The following IL5RA variants were observed in gnomAD, a reference collection of about 807,000 sequenced individuals.
IL5RA encodes interleukin-5 receptor subunit alpha.
Under a neutral mutation model 50.0 loss-of-function variants are expected in IL5RA, and 49 were observed. The ratio of observed to expected loss-of-function variants is 0.98; its 90% confidence interval spans 0.78 to 1.24. The LOEUF (loss-of-function observed/expected upper bound fraction) is 1.24. IL5RA is among the 50% of genes most tolerant of loss of function. The pLI, the probability that IL5RA is intolerant of heterozygous loss-of-function variation, is 0.00. For missense variants in IL5RA, 600 were observed against 500.4 expected (o/e 1.20, Z -1.90); for synonymous variants, 202 against 174.0 (o/e 1.16, Z -1.26).
chr3:3,095,171 G>C (rs947858042), intron 8 of IL5RA, 128 bp downstream of exon 8: 28 of 656,942 alleles, frequency 4.3e-5, no homozygotes, highest in Non-Finnish European at 7.1e-5. Flanking sequence ...TAATACCTGG[G>C]TAGATTAAGT....
chr3:3,096,916 C>T (rs1187270200), intron 7 of IL5RA, among the ~76,000 whole-genome samples: 2 of 152,164 alleles, frequency 1.3e-5, no homozygotes, highest in Admixed American at 6.5e-5. Context: ...ACAATTCTCA[C>T]GAAGACTGCA....
chr3:3,108,858 A>T (rs1704054244), intron 1 of IL5RA, among the ~76,000 whole-genome samples, 167 bp from the exon 2 acceptor site: 1 of 152,226 alleles, frequency 6.6e-6, no homozygotes, highest in South Asian at 2.1e-4. Context: ...TGTTTCAAAT[A>T]ATATAAACAA....
At chr3:3,070,365 T>C (rs1325843446) in intron 11 of IL5RA, 54 bp from the exon 12 acceptor site, 3 of 1,101,888 alleles carry the variant, frequency 2.7e-6, no homozygotes, top group Non-Finnish European at 4.1e-6. Context: ...TTTGGGTTCT[T>C]TGAAATCTTT....
chr3:3,077,009 C>T (rs536379891), intron 9 of IL5RA, among the ~76,000 whole-genome samples: 1 of 152,188 alleles, frequency 6.6e-6, no homozygotes, highest in Non-Finnish European at 1.5e-5. Flanking sequence ...AAAGATAAGC[C>T]TATTGAGTAA....
intron 9 of IL5RA, among the ~76,000 whole-genome samples, chr3:3,084,945 G>T (rs1261603800): frequency 6.6e-6 from 1 of 152,256 alleles, no homozygotes; most frequent in Admixed American, 6.5e-5. Context: ...TGCCTAGAAG[G>T]GTGATGTAGG....
chr3:3,107,905 C>T (rs1459621768), intron 2 of IL5RA, among the ~76,000 whole-genome samples: 1 of 152,202 alleles, frequency 6.6e-6, no homozygotes, highest in East Asian at 1.9e-4. Context: ...TACTGAAGTT[C>T]AGACTTACAA....
intron 9 of IL5RA, among the ~76,000 whole-genome samples, chr3:3,080,178 C>T (rs547756540): frequency 3.5e-4 from 54 of 152,312 alleles, no homozygotes; most frequent in Middle Eastern, 6.8e-3. Context: ...TTTTTGCATT[C>T]GCTTTTTCTG....
At chr3:3,101,854 T>A (rs753045592) in intron 4 of IL5RA, 24 bp from the exon 5 acceptor site, 14 of 1,606,762 alleles carry the variant, frequency 8.7e-6, no homozygotes, top group Admixed American at 5.1e-5. Flanking sequence ...CCACAAGTCA[T>A]GATACATAAA....
intron 10 of IL5RA, among the ~76,000 whole-genome samples, chr3:3,075,341 T>C (rs1224910931): frequency 2.7e-5 from 4 of 150,592 alleles, no homozygotes; most frequent in Non-Finnish European, 5.9e-5. Flanking sequence ...TAGCTGGGAC[T>C]ACAGGCACAT....
At position 3,104,371 on chromosome 3, in the gene IL5RA, C is replaced by T. The variant is rs1023176814; in HGVS notation, c.82+532G>A. On this transcript the variant is annotated intron_variant, in intron 3 of 11. Transcript: ENST00000446632. Reference sequence around the variant, plus strand: ...ATTTAAATTCATTACCTTAGTTGCACTATCCATATTTCAAGGGCGCAATAG... The same window carrying T: ...ATTTAAATTCATTACCTTAGTTGCATTATCCATATTTCAAGGGCGCAATAG... 5.2e-4 allele frequency among the ~76,000 whole-genome samples: 79 copies of T among 152,184 alleles called. 1 individual carries two copies. Among genetic ancestry groups the T allele is most frequent in the Admixed American group, 2.2e-3 (34 of 15,276 alleles).
In IL5RA at chr3:3,098,368, G is replaced by C; in HGVS notation, c.368-78C>G. On this transcript the variant is annotated intron_variant, in intron 5 of 11. Coordinates refer to ENST00000446632, the MANE Select transcript of IL5RA (RefSeq NM_175726.4). ...TTCATGCTTCTTTTGGAACTATAGTGATGTGAACGTCGTATTCATCACCAA... is the reference window on the plus strand; with the variant it reads ...TTCATGCTTCTTTTGGAACTATAGTCATGTGAACGTCGTATTCATCACCAA... 5 of 1,291,006 alleles carry C rather than the reference G, an allele frequency of 3.9e-6. No homozygotes were observed. The South Asian group carries it at 6.2e-5, about 16-fold the overall frequency. The allele number at this position is 1,291,006 out of a possible 1,614,324, so 80.0% of individuals were successfully genotyped here.
intron 2 of IL5RA, among the ~76,000 whole-genome samples, chr3:3,107,364 C>T: frequency 8.4e-6 from 1 of 119,754 alleles, no homozygotes; most frequent in South Asian, 3.3e-4. Flanking sequence ...CCCCTTAATA[C>T]TTCTTGTCCC....
At chr3:3,079,361 C>T (rs1446523919) in intron 9 of IL5RA, among the ~76,000 whole-genome samples, 1 of 152,144 alleles carries the variant, frequency 6.6e-6, no homozygotes. Context: ...CACTAACTGC[C>T]CATTTCAGTC....
chr3:3,089,578 A>G (rs1362839606), intron 9 of IL5RA, among the ~76,000 whole-genome samples: 2 of 152,152 alleles, frequency 1.3e-5, no homozygotes, highest in Non-Finnish European at 2.9e-5. Flanking sequence ...AATACCTCAT[A>G]GGATTCATGA....
chr3:3,086,849 G>T (rs1702883789), intron 9 of IL5RA, among the ~76,000 whole-genome samples: 1 of 152,180 alleles, frequency 6.6e-6, no homozygotes, highest in African/African-American at 2.4e-5. Flanking sequence ...TAAAGAAAAT[G>T]TGGTAAACAT....
At chr3:3,104,803 A>G (rs1441785251) in intron 3 of IL5RA, 100 bp downstream of exon 3, 1 of 656,024 alleles carries the variant, frequency 1.5e-6, no homozygotes, top group Non-Finnish European at 2.6e-6. Flanking sequence ...AAAAATCCAT[A>G]TATAATGTTC....
chr3:3,099,872 G>T lies in IL5RA; in HGVS notation c.368-1582C>A, dbSNP rs7612046. Among the ~76,000 whole-genome samples the T allele has an allele frequency of 8.0e-3, 1,224 of 152,098 alleles. 17 individuals are homozygous for T. The highest frequency in any genetic ancestry group is 0.028 in the African/African-American group (1,177 of 41,492). The stretch of plus-strand genomic sequence containing the variant: ...TTTAGTAGAGACGGGGTTTCACCAT[G>T]TTGGCCAGGCTGGTCTCGAACACTT... On this transcript the variant is annotated intron_variant, in intron 5 of 11. Transcript: ENST00000446632.
rs1702154466 is a variant in IL5RA, at chr3:3,067,064, T to C, written c.*3161A>G. 6.6e-6 allele frequency: 1 copy of C among 152,258 alleles called. No individual in the cohort carries two copies. Among genetic ancestry groups the C allele is most frequent in the South Asian group, 2.1e-4 (1 of 4,824 alleles). 9.4% of individuals were successfully genotyped at this position (152,258 alleles called of 1,614,324 possible). A position where few individuals can be genotyped will look rare whatever the true frequency, so the allele number is the denominator to read the frequency against. On this transcript the variant is annotated 3_prime_UTR_variant, in exon 12 of 12. Coordinates refer to ENST00000446632, the MANE Select transcript of IL5RA (RefSeq NM_175726.4). ...TTACATCAACCTGCTGCTGATGGTG[T>C]TTACTGTTAAGTGAATTTCAAACTC...
intron 11 of IL5RA, among the ~76,000 whole-genome samples, chr3:3,073,272 TCAC>T (rs1276913182): frequency 6.6e-6 from 1 of 152,172 alleles, no homozygotes; most frequent in Non-Finnish European, 1.5e-5. Context: ...CTACAACCAG[TCAC>T]CAGGTGGTTC....
Sources: gnomAD v4.1 joint callset for allele counts (sites outside exome capture counted in the v4.1 genomes callset) on GRCh38, gnomAD v4.1.1 for gene constraint, MANE v1.5 for transcripts, NCBI Gene and HGNC (gene_info 2026-07-23, HGNC 2026-07-21) for gene names.